The following PDE1C variants were observed in gnomAD, a reference collection of about 807,000 sequenced individuals.
The protein encoded by PDE1C is phosphodiesterase 1C, also known as dual specificity calcium/calmodulin-dependent 3',5'-cyclic nucleotide phosphodiesterase 1C.
PDE1C carries 62 observed loss-of-function variants against 93.1 expected under a neutral mutation model. That is an observed-to-expected ratio of 0.67 (90% confidence interval 0.54 to 0.82). The LOEUF is 0.82. PDE1C is among the 40% of genes least tolerant of loss of function. The pLI, the probability that PDE1C is intolerant of heterozygous loss-of-function variation, is 0.00. For synonymous variants in PDE1C, 325 were observed against 310.1 expected, an observed-to-expected ratio of 1.05 and a Z score of -0.50; for missense variants, 742 against 884.6, an observed-to-expected ratio of 0.84 and a Z score of 2.04.
intron 15 of PDE1C, 92 bp from the exon 16 acceptor site, chr7:31,809,200 A>G (rs372543162): frequency 1.5e-5 from 11 of 723,132 alleles, no homozygotes; most frequent in Middle Eastern, 2.4e-4. Flanking sequence ...GAAAAAGTGC[A>G]GCATAATTTT....
intron 2 of PDE1C, among the ~76,000 whole-genome samples, chr7:31,949,396 G>T (rs1393451020): frequency 6.6e-6 from 1 of 152,128 alleles, no homozygotes; most frequent in Non-Finnish European, 1.5e-5. Flanking sequence ...GGAGGTGAAG[G>T]TTGCAGTGAG....
chr7:32,304,974 G>A (rs1412972800), intron 1 of PDE1C, among the ~76,000 whole-genome samples: 1 of 152,152 alleles, frequency 6.6e-6, no homozygotes, highest in South Asian at 2.1e-4. Context: ...TCAGGGGCAA[G>A]AGGAACAGGG....
At chr7:31,768,528 T>A (rs1312639980) in intron 17 of PDE1C, among the ~76,000 whole-genome samples, 1 of 152,198 alleles carries the variant, frequency 6.6e-6, no homozygotes, top group East Asian at 1.9e-4. Context: ...ATTTTACTGA[T>A]GATCCTTTGT....
intron 1 of PDE1C, among the ~76,000 whole-genome samples, chr7:32,257,053 C>A (rs551344046): frequency 1.5e-4 from 23 of 152,200 alleles, no homozygotes; most frequent in Non-Finnish European, 2.5e-4. Context: ...ATGCATCAGG[C>A]AGCTGCTAGG....
chr7:32,369,058 G>A (rs1028225370), intron 1 of PDE1C, among the ~76,000 whole-genome samples: 1 of 152,038 alleles, frequency 6.6e-6, no homozygotes, highest in Non-Finnish European at 1.5e-5. Flanking sequence ...AAACTTAGGG[G>A]GAATGCTTCA....
chr7:31,854,864 C>A (rs1352325659), intron 7 of PDE1C, among the ~76,000 whole-genome samples: 2 of 152,030 alleles, frequency 1.3e-5, no homozygotes. Flanking sequence ...GTCAGGAGTT[C>A]AAGACCAGAC....
downstream of PDE1C, among the ~76,000 whole-genome samples, chr7:31,748,404 G>T (rs559554862): frequency 6.6e-6 from 1 of 152,182 alleles, no homozygotes; most frequent in Non-Finnish European, 1.5e-5. Flanking sequence ...TATAAGCTTG[G>T]CTCAGCTGAA....
Position 31,940,661 on chromosome 7 carries a change from G to A in PDE1C, c.129-59801C>T, listed in dbSNP as rs376359002. On this transcript the variant is annotated intron_variant, in intron 2 of 17. Coordinates refer to ENST00000396191, the MANE Select transcript of PDE1C (RefSeq NM_001191057.4). ...TTATGAGGCAGAGCTTCCCTGAAGG[G>A]CAACAAGCCCCCTGTGTCTGAACAG... 4.3e-4 allele frequency among the ~76,000 whole-genome samples: 65 copies of A among 150,404 alleles called. 1 individual carries two copies. The South Asian group carries it at 0.012, about 28-fold the overall frequency.
chr7:31,756,230 A>G (rs901119522), intron 17 of PDE1C, among the ~76,000 whole-genome samples: 2 of 152,170 alleles, frequency 1.3e-5, no homozygotes, highest in African/African-American at 4.8e-5. Flanking sequence ...TCTAGTAAAC[A>G]CTTCTTCCAG....
chr7:31,848,063 A>G lies in PDE1C; in HGVS notation c.885T>C (p.Ser295=), dbSNP rs1329371582. 3 of 1,613,034 alleles carry G rather than the reference A, an allele frequency of 1.9e-6. No individual in the cohort carries two copies. Among genetic ancestry groups the G allele is most frequent in the East Asian group, 2.2e-5 (1 of 44,806 alleles). ...CACTTAAATGGTGATTCTCCAGTAC[A>G]GATCTGTCATTATACAGAATAGCTG... is the stretch of plus-strand genomic sequence containing the variant. ...SDPAILYNDR[S]VLENHHLSAA... Residue 295 remains serine (S), a synonymous_variant, in exon 9 of 18, where the codon TCT becomes TCC. Transcript: ENST00000396191.
At chr7:31,651,963 G>T in the PDE1C span, 4 of 1,601,592 alleles carry the variant, frequency 2.5e-6, no homozygotes, top group African/African-American at 2.7e-5. Context: ...AACTGCAAAC[G>T]TTACGTGAGG....
In PDE1C at chr7:32,088,532, C is replaced by T. The variant is rs533928048; in HGVS notation, c.308+81253G>A. On this transcript the variant is annotated intron_variant, in intron 3 of 18. Coordinates refer to the PDE1C transcript ENST00000396193. ...CGGAGCCCTGCAGTGGTGAGGAGGC[C>T]CCATTTGGCCGAGCTGCTGCTAAGC... 3.9e-5 allele frequency among the ~76,000 whole-genome samples: 6 copies of T among 152,364 alleles called. 1 individual carries two copies. The South Asian group carries it at 1.2e-3, about 32-fold the overall frequency.
intron 1 of PDE1C, among the ~76,000 whole-genome samples, chr7:32,363,787 G>T (rs1308162044): frequency 6.6e-6 from 1 of 152,172 alleles, no homozygotes; most frequent in Non-Finnish European, 1.5e-5. Flanking sequence ...GCTACTGATG[G>T]CAAGATCAGC....
At chr7:31,711,855 A>T in the PDE1C span, among the ~76,000 whole-genome samples, 1 of 152,110 alleles carries the variant, frequency 6.6e-6, no homozygotes, top group Non-Finnish European at 1.5e-5. Context: ...AAAGGTAGAG[A>T]TCTCAAGCCT....
At chr7:31,952,749 T>C (rs1346538365) in intron 2 of PDE1C, among the ~76,000 whole-genome samples, 1 of 152,098 alleles carries the variant, frequency 6.6e-6, no homozygotes, top group Non-Finnish European at 1.5e-5. Flanking sequence ...AGAAATGAGA[T>C]GCCGCATGTG....
chr7:31,938,596 A>T (rs760841340), intron 2 of PDE1C, among the ~76,000 whole-genome samples: 169 of 152,204 alleles, frequency 1.1e-3, no homozygotes, highest in Non-Finnish European at 1.8e-3. Flanking sequence ...ACATTGATCA[A>T]AGTTTACTGT....
chr7:31,768,630 T>C (rs1287272673), intron 17 of PDE1C, among the ~76,000 whole-genome samples: 1 of 152,180 alleles, frequency 6.6e-6, no homozygotes, highest in Non-Finnish European at 1.5e-5. Context: ...CCGCCTTCCA[T>C]CTATAGCTTC....
At chr7:31,804,641 TAAGTC>T (rs1249845258) in intron 16 of PDE1C, among the ~76,000 whole-genome samples, 1 of 151,908 alleles carries the variant, frequency 6.6e-6, no homozygotes, top group Non-Finnish European at 1.5e-5. Flanking sequence ...CTTTCTTTAT[TAAGTC>T]AAGAACTTTC....
intron 2 of PDE1C, among the ~76,000 whole-genome samples, chr7:32,030,007 A>G (rs1584516540): frequency 1.3e-5 from 2 of 151,940 alleles, no homozygotes; most frequent in East Asian, 3.9e-4. Flanking sequence ...GTACATTTCT[A>G]TGAGCTGACA....
Sources: gnomAD v4.1 joint callset for allele counts (sites outside exome capture counted in the v4.1 genomes callset) on GRCh38, gnomAD v4.1.1 for gene constraint, MANE v1.5 for transcripts, NCBI Gene and HGNC (gene_info 2026-07-23, HGNC 2026-07-21) for gene names.